NUBPL: variants seen among roughly 807,000 people sequenced by gnomAD.
NUBPL encodes the protein NUBP iron-sulfur cluster assembly factor, mitochondrial, also known as iron-sulfur cluster transfer protein NUBPL.
In NUBPL, 31 loss-of-function variants were observed where a neutral mutation model predicts 45.7. The ratio of observed to expected loss-of-function variants is 0.68; its 90% CI spans 0.51 to 0.92. The LOEUF is 0.92. Among genes scored for constraint, NUBPL ranks in the 40% least tolerant of loss-of-function variants. The pLI, the probability that NUBPL is intolerant of heterozygous loss-of-function variation, is 0.00. For missense variants in NUBPL, 401 were observed against 398.7 expected (o/e 1.01, Z -0.05); for synonymous variants, 144 against 140.9 (o/e 1.02, Z -0.15).
chr14:31,624,513 C>T (rs1393506581), intron 4 of NUBPL, among the ~76,000 whole-genome samples: 2 of 151,934 alleles, frequency 1.3e-5, no homozygotes, highest in Non-Finnish European at 2.9e-5. Context: ...GAATCTCAAC[C>T]AGAGGTGATT....
intron 3 of NUBPL, among the ~76,000 whole-genome samples, chr14:31,576,835 G>A (rs1345879640): frequency 6.6e-6 from 1 of 152,182 alleles, no homozygotes; most frequent in Non-Finnish European, 1.5e-5. Flanking sequence ...AAGTTTGGTA[G>A]CTGCCCTGAA....
intron 7 of NUBPL, among the ~76,000 whole-genome samples, chr14:31,823,782 A>G (rs1478854578): frequency 4.6e-5 from 7 of 152,198 alleles, no homozygotes; most frequent in African/African-American, 1.7e-4. Context: ...CTAGAATTTG[A>G]TCCTTTCCAA....
At position 31,726,476 on chromosome 14, in the gene NUBPL, T is replaced by G. The variant is rs1479516856; in HGVS notation, c.513+52902T>G. 5.9e-5 allele frequency among the ~76,000 whole-genome samples: 9 copies of G among 152,372 alleles called. No homozygotes were observed. In the East Asian group the frequency reaches 1.7e-3, roughly 29 times the overall value. On this transcript the variant is annotated intron_variant, in intron 6 of 10. Transcript: ENST00000281081. ...TGAATGCTCTATCAGTGGAACTGTT[T>G]GCATGTTGCTATATCATTTTTCTGG...
intron 6 of NUBPL, among the ~76,000 whole-genome samples, chr14:31,722,982 A>G (rs1027232083): frequency 5.3e-5 from 8 of 152,036 alleles, no homozygotes; most frequent in Non-Finnish European, 8.8e-5. Flanking sequence ...TTTTGTTGCA[A>G]TTGCTGTTGG....
intron 4 of NUBPL, among the ~76,000 whole-genome samples, chr14:31,606,084 T>TTTTTC (rs202023666): frequency 0.031 from 4,412 of 143,546 alleles, 198 homozygotes; most frequent in African/African-American, 0.089. Flanking sequence ...TTCATCTTCC[T>TTTTTC]TTTTCTTTTC....
At chr14:31,676,277 T>C (rs750862378) in intron 6 of NUBPL, among the ~76,000 whole-genome samples, 17 of 151,990 alleles carry the variant, frequency 1.1e-4, no homozygotes, top group Non-Finnish European at 2.2e-4. Context: ...CCCGTCTCGG[T>C]CTCCCAAAGT....
chr14:31,685,544 C>T (rs1331834364), intron 6 of NUBPL, among the ~76,000 whole-genome samples: 3 of 151,098 alleles, frequency 2.0e-5, no homozygotes, highest in Non-Finnish European at 4.4e-5. Context: ...ATACCTTTTA[C>T]AAGGTGAAAG....
chr14:31,592,783 G>T (rs561462332), intron 3 of NUBPL, among the ~76,000 whole-genome samples: 18 of 152,172 alleles, frequency 1.2e-4, no homozygotes, highest in African/African-American at 3.9e-4. Flanking sequence ...ACCCTGGAGT[G>T]CTACATATAT....
At chr14:31,638,380 T>C (rs1187501825) in intron 4 of NUBPL, among the ~76,000 whole-genome samples, 1 of 151,792 alleles carries the variant, frequency 6.6e-6, no homozygotes, top group African/African-American at 2.4e-5. Context: ...AATTCTGGGT[T>C]GAAAATTCTT....
At chr14:31,792,527 T>C (rs2039400933) in intron 7 of NUBPL, among the ~76,000 whole-genome samples, 1 of 152,172 alleles carries the variant, frequency 6.6e-6, no homozygotes, top group Non-Finnish European at 1.5e-5. Flanking sequence ...ACACCCTGGC[T>C]GTCTGTATAG....
intron 6 of NUBPL, among the ~76,000 whole-genome samples, chr14:31,737,516 C>G (rs934649657): frequency 6.6e-6 from 1 of 152,138 alleles, no homozygotes; most frequent in Non-Finnish European, 1.5e-5. Context: ...GGCACAGTGG[C>G]TCACAGCTGT....
chr14:31,852,116 G>A (rs2040547422), intron 10 of NUBPL, among the ~76,000 whole-genome samples: 1 of 152,160 alleles, frequency 6.6e-6, no homozygotes, highest in Non-Finnish European at 1.5e-5. Context: ...GTGACCTAAA[G>A]CAAGTTTTCT....
At chr14:31,837,235 C>T (rs373192056) in intron 8 of NUBPL, among the ~76,000 whole-genome samples, 12 of 152,202 alleles carry the variant, frequency 7.9e-5, no homozygotes, top group African/African-American at 2.9e-4. Flanking sequence ...GCAAGAAGAT[C>T]GCCTGAGTCC....
At chr14:31,640,871 G>A (rs975938600) in intron 4 of NUBPL, among the ~76,000 whole-genome samples, 1 of 152,010 alleles carries the variant, frequency 6.6e-6, no homozygotes, top group Non-Finnish European at 1.5e-5. Context: ...TTCTCTTCTA[G>A]CTATTGTACA....
intron 6 of NUBPL, among the ~76,000 whole-genome samples, chr14:31,673,875 T>C (rs1792136638): frequency 6.6e-6 from 1 of 152,172 alleles, no homozygotes; most frequent in African/African-American, 2.4e-5. Flanking sequence ...TTATCTTCCT[T>C]CTTTAGATTT....
At chr14:31,758,178 G>C (rs1237381146) in intron 6 of NUBPL, among the ~76,000 whole-genome samples, 1 of 152,004 alleles carries the variant, frequency 6.6e-6, no homozygotes. Context: ...CTGTCTTCTT[G>C]ACTATCTTGT....
intron 7 of NUBPL, among the ~76,000 whole-genome samples, chr14:31,822,034 G>A (rs768115566): frequency 3.3e-5 from 5 of 152,142 alleles, no homozygotes; most frequent in Non-Finnish European, 7.4e-5. Context: ...TTCGAGGTAG[G>A]GAAGGGTAGT....
chr14:31,648,213 A>G (rs1595432675), intron 4 of NUBPL, among the ~76,000 whole-genome samples: 1 of 152,244 alleles, frequency 6.6e-6, no homozygotes, highest in South Asian at 2.1e-4. Flanking sequence ...ACTATGGTGT[A>G]CAGAATATCA....
chr14:31,649,183 G>C (rs1180279325), intron 4 of NUBPL, among the ~76,000 whole-genome samples: 1 of 152,102 alleles, frequency 6.6e-6, no homozygotes, highest in African/African-American at 2.4e-5. Context: ...AAAATAATTT[G>C]GTTAAATTTC....
Sources: allele counts gnomAD v4.1 joint callset (sites outside exome capture counted in the v4.1 genomes callset), GRCh38; gene constraint gnomAD v4.1.1; transcripts MANE v1.5; gene names NCBI Gene and HGNC (gene_info 2026-07-23, HGNC 2026-07-21).